The following CYP20A1 variants were observed in gnomAD, a reference collection of about 807,000 sequenced individuals.
CYP20A1 encodes cytochrome P450 family 20 subfamily A member 1.
CYP20A1 carries 61 observed loss-of-function variants against 61.4 expected under a neutral mutation model. The ratio of observed to expected loss-of-function variants is 0.99; its 90% confidence interval spans 0.81 to 1.23. CYP20A1 has a LOEUF of 1.23. Ranked by LOEUF, CYP20A1 falls within the 50% of genes most tolerant of loss-of-function variation. The probability of loss-of-function intolerance (pLI) is 0.00; values close to 1 mark genes in which losing one functional copy is unlikely to be tolerated. For missense variants in CYP20A1, 530 were observed against 542.4 expected (o/e 0.98, Z 0.23); for synonymous variants, 193 against 188.2 (o/e 1.03, Z -0.21).
chr2:203,292,988 A>G (rs1319307837), intron 11 of CYP20A1, among the ~76,000 whole-genome samples: 1 of 151,766 alleles, frequency 6.6e-6, no homozygotes, highest in Non-Finnish European at 1.5e-5. Flanking sequence ...AGCCTGGCTA[A>G]CATAGCGAAA....
chr2:203,264,327 T>C (rs1249223233), intron 4 of CYP20A1, among the ~76,000 whole-genome samples: 1 of 152,106 alleles, frequency 6.6e-6, no homozygotes, highest in Non-Finnish European at 1.5e-5. Flanking sequence ...GTTAGGACAT[T>C]GAATGTTTTC....
At chr2:203,250,791 G>A (rs1425072946) in intron 3 of CYP20A1, among the ~76,000 whole-genome samples, 1 of 152,122 alleles carries the variant, frequency 6.6e-6, no homozygotes, top group Non-Finnish European at 1.5e-5. Context: ...TAGGCCGGGT[G>A]CGGTGGCTCA....
chr2:203,252,299 A>G (rs919955205), intron 4 of CYP20A1, among the ~76,000 whole-genome samples, 190 bp downstream of exon 4: 1 of 152,162 alleles, frequency 6.6e-6, no homozygotes, highest in Non-Finnish European at 1.5e-5. Context: ...AAAAATCTTA[A>G]CATCCAGACT....
rs76767556 is a variant in CYP20A1 at position 203,298,533 on chromosome 2, CA to C, written c.*1643del. On this transcript the variant is annotated 3_prime_UTR_variant, in exon 13 of 13. Transcript: ENST00000356079. Reference sequence around the variant, plus strand: ...TGAAACCCCGTCTCTACTAAAAATACAAAAAAAAAAAAAAAAAATTAGCCAG... The same window carrying C: ...TGAAACCCCGTCTCTACTAAAAATACAAAAAAAAAAAAAAAAATTAGCCAG... 6.7e-4 allele frequency among the ~76,000 whole-genome samples: 84 copies of C among 124,492 alleles called. 1 individual carries two copies. Among genetic ancestry groups the C allele is most frequent in the African/African-American group, 1.7e-3 (56 of 32,454 alleles). The allele number at this position is 124,492 out of a possible 152,430, so 81.7% of individuals were successfully genotyped here.
chr2:203,250,340 G>A (rs924980891), intron 3 of CYP20A1, among the ~76,000 whole-genome samples: 1 of 152,118 alleles, frequency 6.6e-6, no homozygotes, highest in Non-Finnish European at 1.5e-5. Context: ...TTAATTCTCA[G>A]AACAACTTCA....
chr2:203,290,021 A>G (rs1433436673), intron 10 of CYP20A1, 145 bp downstream of exon 10: 3 of 329,708 alleles, frequency 9.1e-6, no homozygotes, highest in Middle Eastern at 8.9e-4. Context: ...GCTCACTGCA[A>G]CCTCCACCTC....
Position 203,304,935 on chromosome 2 carries a change from T to A in CYP20A1, c.*8027T>A, listed in dbSNP as rs760610350. Among the ~76,000 whole-genome samples the A allele has an allele frequency of 6.6e-6, 1 of 152,066 alleles. No homozygotes were observed. Among genetic ancestry groups the A allele is most frequent in the East Asian group, 1.9e-4 (1 of 5,190 alleles). ...TAGGTGACAAAGCACAACCCTCAAA[T>A]AAATAAATAAATACATGTTAAACAT... On this transcript the variant is annotated 3_prime_UTR_variant, in exon 13 of 13. Transcript: ENST00000356079.
In CYP20A1 at chr2:203,266,567, G is replaced by A. The variant is rs1559095071; in HGVS notation, c.486G>A (p.Val162=). 1 of 1,614,018 alleles carries A rather than the reference G, an allele frequency of 6.2e-7. No homozygotes were observed. Among genetic ancestry groups the A allele is most frequent in the Non-Finnish European group, 8.5e-7 (1 of 1,179,932 alleles). ...TCTCCTACCCAGAGACCCAGCACGT[G>A]CCCCTCAGCCAGCATATGCTTGGTT... ...KWLSYPETQH[V]PLSQHMLGFA... Residue 162 remains valine (V), a synonymous_variant, in exon 5 of 13, where the codon GTG becomes GTA. Coordinates refer to ENST00000356079, the MANE Select transcript of CYP20A1 (RefSeq NM_177538.3).
chr2:203,284,813 A>G (rs2068199729), intron 8 of CYP20A1, among the ~76,000 whole-genome samples: 1 of 139,312 alleles, frequency 7.2e-6, no homozygotes, highest in African/African-American at 2.8e-5. Flanking sequence ...TGGCACGGTC[A>G]CAGCTCACTG....
At position 203,299,828 on chromosome 2, in the gene CYP20A1, C is replaced by T. The variant is rs754305369; in HGVS notation, c.*2920C>T. ...GGCAGAGGTTGCGGTGAGCCAAGAT[C>T]GCGCCATTGCACTCCAGCCTGGGCA... On this transcript the variant is annotated 3_prime_UTR_variant, in exon 13 of 13. Transcript: ENST00000356079. 1.2e-4 allele frequency among the ~76,000 whole-genome samples: 18 copies of T among 151,844 alleles called. No individual in the cohort carries two copies. Among genetic ancestry groups the T allele is most frequent in the East Asian group, 1.9e-4 (1 of 5,184 alleles).
At chr2:203,281,964 A>G (rs1412779437) in intron 8 of CYP20A1, among the ~76,000 whole-genome samples, 1 of 152,080 alleles carries the variant, frequency 6.6e-6, no homozygotes, top group Non-Finnish European at 1.5e-5. Context: ...TTTAACATAT[A>G]GAAATGTCCA....
intron 11 of CYP20A1, among the ~76,000 whole-genome samples, chr2:203,292,707 C>T (rs2068588390): frequency 1.3e-5 from 2 of 152,150 alleles, no homozygotes; most frequent in South Asian, 4.1e-4. Flanking sequence ...CATCCTCCCA[C>T]CTCTGCCTCC....
chr2:203,303,108 C>T lies in CYP20A1; in HGVS notation c.*6200C>T, dbSNP rs1425243886. On this transcript the variant is annotated 3_prime_UTR_variant, in exon 13 of 13. Coordinates refer to ENST00000356079, the MANE Select transcript of CYP20A1 (RefSeq NM_177538.3). The stretch of plus-strand genomic sequence containing the variant: ...CCCTGCCTCCCAGGTTCAAGCAATT[C>T]TCCTGCCTCAGCCTCCTGAGTAGCT... Among the ~76,000 whole-genome samples, 2 of 152,152 alleles carry T rather than the reference C, an allele frequency of 1.3e-5. No individual in the cohort carries two copies. The highest frequency in any genetic ancestry group is 2.9e-5 in the Non-Finnish European group (2 of 68,042).
rs1167546590 is a variant in CYP20A1, at chr2:203,294,941, A to AT, written c.1149-1504dup. Among the ~76,000 whole-genome samples the AT allele has an allele frequency of 5.4e-3, 245 of 45,456 alleles. 8 individuals are homozygous for AT. The highest frequency in any genetic ancestry group is 0.033 in the East Asian group (49 of 1,466). 29.8% of individuals were successfully genotyped at this position (45,456 alleles called of 152,430 possible). ...GCCACTGTGCCCAGCCTTTAAAAAA[A>AT]TTTTTTTTTTTTTTTTTTTTTTTTT... On this transcript the variant is annotated intron_variant, in intron 11 of 12. Coordinates refer to ENST00000356079, the MANE Select transcript of CYP20A1 (RefSeq NM_177538.3).
chr2:203,251,497 C>T (rs1291585869), intron 3 of CYP20A1, among the ~76,000 whole-genome samples: 3 of 151,396 alleles, frequency 2.0e-5, no homozygotes, highest in Non-Finnish European at 2.9e-5. Context: ...TTGCTGGGTG[C>T]GGCAGCTCAT....
At chr2:203,256,166 AT>A (rs2066886439) in intron 4 of CYP20A1, among the ~76,000 whole-genome samples, 1 of 1,700 alleles carries the variant, frequency 5.9e-4, no homozygotes, top group Non-Finnish European at 4.4e-3. Context: ...CGTGTGTCTC[AT>A]TATGTTTCCT....
chr2:203,271,054 GTATATATA>G (rs869253470), intron 5 of CYP20A1, among the ~76,000 whole-genome samples: 18 of 40,278 alleles, frequency 4.5e-4, no homozygotes, highest in African/African-American at 1.5e-3. Context: ...ATGTATATGT[GTATATATA>G]TATATATATA....
chr2:203,278,531 C>A, intron 6 of CYP20A1, 42 bp from the exon 7 acceptor site: 2 of 951,226 alleles, frequency 2.1e-6, no homozygotes, highest in Non-Finnish European at 3.2e-6. Flanking sequence ...TCAGTCTCCA[C>A]TAATGCTTGT....
chr2:203,253,965 T>G (rs964971308), intron 4 of CYP20A1, among the ~76,000 whole-genome samples: 1 of 151,962 alleles, frequency 6.6e-6, no homozygotes, highest in African/African-American at 2.4e-5. Flanking sequence ...TCTTTTTTTT[T>G]GATACAGAGT....
Sources: gnomAD v4.1 joint callset for allele counts (sites outside exome capture counted in the v4.1 genomes callset) on GRCh38, gnomAD v4.1.1 for gene constraint, MANE v1.5 for transcripts, NCBI Gene and HGNC (gene_info 2026-07-23, HGNC 2026-07-21) for gene names.